The following PLRG1 variants were observed in gnomAD, a reference collection of about 807,000 sequenced individuals.
The protein encoded by PLRG1 is pleiotropic regulator 1 (PRL1 homolog, Arabidopsis).
A neutral mutation model predicts 74.9 loss-of-function variants in PLRG1; 28 were observed. The ratio of observed to expected loss-of-function variants is 0.37; its 90% CI spans 0.28 to 0.51. PLRG1 has a LOEUF of 0.51. Ranked by LOEUF, PLRG1 falls within the 20% of genes least tolerant of loss-of-function variation. PLRG1 has a pLI of 0.91. For missense variants in PLRG1, 445 were observed against 631.9 expected (o/e 0.70, Z 3.17); for synonymous variants, 197 against 212.4 (o/e 0.93, Z 0.63).
At chr4:154,549,285 TA>T (rs1729715969) in intron 1 of PLRG1, 1 of 358,352 alleles carries the variant, frequency 2.8e-6, no homozygotes, top group Non-Finnish European at 5.4e-6. Context: ...AAATAAAAAG[TA>T]AAATAATTCC....
At chr4:154,537,617 T>C in intron 13 of PLRG1, 138 bp from the exon 14 acceptor site, 1 of 579,416 alleles carries the variant, frequency 1.7e-6, no homozygotes, top group Non-Finnish European at 3.0e-6. Flanking sequence ...CCACCTTCTC[T>C]TAATATTGGT....
At chr4:154,541,905 T>C in intron 8 of PLRG1, 1 of 358,128 alleles carries the variant, frequency 2.8e-6, no homozygotes, top group East Asian at 4.8e-5. Context: ...TTTCTATGAA[T>C]GAGCATGCTC....
intron 10 of PLRG1, 142 bp from the exon 11 acceptor site, chr4:154,540,195 T>C: frequency 3.3e-6 from 2 of 608,866 alleles, no homozygotes; most frequent in Non-Finnish European, 5.8e-6. Flanking sequence ...TGAAAGATAA[T>C]GATTTACAAA....
At position 154,536,383 on chromosome 4, in the gene PLRG1, A is replaced by G. The variant is rs1410308068; in HGVS notation, c.*302T>C. The G allele has an allele frequency of 4.9e-6, 1 of 204,202 alleles. No homozygotes were observed. The highest frequency in any genetic ancestry group is 9.7e-6 in the Non-Finnish European group (1 of 103,478). 12.6% of individuals were successfully genotyped at this position (204,202 alleles called of 1,614,324 possible). The stretch of plus-strand genomic sequence containing the variant: ...TCGGTTTCATACATTTTTTTTAAAA[A>G]AGGGGGTTTTCTAATAAGACTGTCA... On this transcript the variant is annotated 3_prime_UTR_variant, in exon 15 of 15. Transcript: ENST00000499023.
intron 2 of PLRG1, among the ~76,000 whole-genome samples, chr4:154,548,388 AG>A (rs936655029): frequency 2.0e-4 from 31 of 152,198 alleles, no homozygotes; most frequent in African/African-American, 7.2e-4. Context: ...AGGACAAAGA[AG>A]GAACACTGCA....
rs988922060 is a variant in PLRG1 at position 154,536,399 on chromosome 4, A to C, written c.*286T>G. 2 of 230,328 alleles carry C rather than the reference A, an allele frequency of 8.7e-6. No homozygotes were observed. The highest frequency in any genetic ancestry group is 1.7e-5 in the Non-Finnish European group (2 of 120,540). The allele number at this position is 230,328 out of a possible 1,614,324, so 14.3% of individuals were successfully genotyped here. A position where few individuals can be genotyped will look rare whatever the true frequency, so the allele number is the denominator to read the frequency against. ...TTTTTAAAAAAGGGGGTTTTCTAAT[A>C]AGACTGTCAAAATATTACATCTAGA... On this transcript the variant is annotated 3_prime_UTR_variant, in exon 15 of 15. Transcript: ENST00000499023.
chr4:154,538,452 G>C (rs1307163077), intron 12 of PLRG1, among the ~76,000 whole-genome samples: 1 of 151,856 alleles, frequency 6.6e-6, no homozygotes. Context: ...GAGCAAGACA[G>C]GACAGGAAGA....
chr4:154,537,934 G>C (rs1475457157), intron 13 of PLRG1, 35 bp downstream of exon 13: 1 of 1,225,910 alleles, frequency 8.2e-7, no homozygotes, highest in Non-Finnish European at 1.1e-6. Context: ...AAAAATAACA[G>C]ACTAAACATA....
At position 154,540,844 on chromosome 4, in the gene PLRG1, A is replaced by G; in HGVS notation, c.778T>C (p.Tyr260His). Residue 260 changes from tyrosine to histidine, a missense_variant, in exon 9 of 15, where the codon TAT becomes CAT. By Grantham distance (83) the Tyr-to-His change is moderately conservative. Around this residue, in one of 3 missense-constraint regions of PLRG1, gnomAD observed 221 missense variants for 377.7 expected, o/e 0.59. Coordinates refer to ENST00000499023, the MANE Select transcript of PLRG1 (RefSeq NM_002669.4). ...TTGTCTTCTCCACAAGAGAACAGAT[A>G]TGGGCTCCTTGTGCTTACTATCACG... ...RGVIVSTRSP[Y>H]LFSCGEDKQV... is the part of the protein sequence containing the mutation. 6.2e-7 allele frequency: 1 copy of G among 1,613,334 alleles called. No homozygotes were observed. The highest frequency in any genetic ancestry group is 8.5e-7 in the Non-Finnish European group (1 of 1,179,318).
intron 8 of PLRG1, 58 bp downstream of exon 8, chr4:154,542,129 G>A (rs1168843017): frequency 2.8e-6 from 3 of 1,070,964 alleles, no homozygotes; most frequent in Non-Finnish European, 4.3e-6. Flanking sequence ...AATAATAACT[G>A]ATTAAACTTA....
At chr4:154,544,241 T>G (rs1166833691) in intron 7 of PLRG1, among the ~76,000 whole-genome samples, 1 of 152,222 alleles carries the variant, frequency 6.6e-6, no homozygotes, top group Non-Finnish European at 1.5e-5. Flanking sequence ...CATACTATTT[T>G]ATATAAAAGT....
Position 154,537,436 on chromosome 4 carries a change from G to A in PLRG1, c.1335C>T (p.Tyr445=). 2 of 1,613,314 alleles carry A rather than the reference G, an allele frequency of 1.2e-6. No individual in the cohort carries two copies. The highest frequency in any genetic ancestry group is 8.5e-7 in the Non-Finnish European group (1 of 1,179,502). ...CAGCTGCGTGAACTCTCTGAAAATT[G>A]TAGCCAGTTCTCCAGTCCCAAAGAT... is the stretch of plus-strand genomic sequence containing the variant. ...TMHLWDWRTG[Y]NFQRVHAAVQ... is the part of the protein sequence containing the mutation. The change falls in exon 14 of 15, where the codon TAC becomes TAT. Residue 445 remains tyrosine, a synonymous_variant. Transcript: ENST00000499023.
intron 3 of PLRG1, among the ~76,000 whole-genome samples, chr4:154,547,300 C>A (rs1235167449): frequency 1.3e-5 from 2 of 152,162 alleles, no homozygotes; most frequent in Admixed American, 1.3e-4. Flanking sequence ...TATCAAGTGA[C>A]AATCCACTCT....
chr4:154,537,406 T>G lies in PLRG1; in HGVS notation c.1365A>C (p.Gln455His). The G allele has an allele frequency of 1.2e-6, 2 of 1,613,368 alleles. No individual in the cohort carries two copies. The highest frequency in any genetic ancestry group is 1.7e-6 in the Non-Finnish European group (2 of 1,179,498). Reference sequence around the variant, plus strand: ...CTGATTCACTGTCCAAAGACCCAGGTTGCACAGCTGCGTGAACTCTCTGAA... The same window carrying G: ...CTGATTCACTGTCCAAAGACCCAGGGTGCACAGCTGCGTGAACTCTCTGAA... ...YNFQRVHAAVQPGSLDSESGI... is the reference protein window; with the variant it reads ...YNFQRVHAAVHPGSLDSESGI... Residue 455 changes from glutamine to histidine, a missense_variant, in exon 14 of 15, where the codon CAA (glutamine) becomes CAC (histidine). Gln to His is a conservative substitution (Grantham distance 24, BLOSUM62 0). Transcript: ENST00000499023.
In PLRG1 at chr4:154,545,922, C is replaced by T; in HGVS notation, c.406G>A (p.Ala136Thr). The change falls in exon 6 of 15, where the codon GCT becomes ACT. Residue 136 changes from alanine to threonine, a missense_variant and splice_region_variant. Around this residue, in one of 3 missense-constraint regions of PLRG1, gnomAD observed 206 missense variants for 210.8 expected, o/e 0.98. Coordinates refer to ENST00000499023, the MANE Select transcript of PLRG1 (RefSeq NM_002669.4). ...CTAGGGGCAGTACGATTTGCATCAG[C>T]CCTGGGGCAAAAGAAATAATATTTT... is the stretch of plus-strand genomic sequence containing the variant. ...LAVALPLQTK[A>T]DANRTAPSGS... 6.3e-7 allele frequency: 1 copy of T among 1,597,478 alleles called. No individual in the cohort carries two copies. The highest frequency in any genetic ancestry group is 8.6e-7 in the Non-Finnish European group (1 of 1,168,440).
At chr4:154,550,254 AC>A (rs1167813672) in intron 1 of PLRG1, 45 bp downstream of exon 1, 1 of 1,582,540 alleles carries the variant, frequency 6.3e-7, no homozygotes, top group Admixed American at 1.7e-5. Flanking sequence ...GCCAAAAAAA[AC>A]AGTCCAGAGA....
At chr4:154,548,209 A>G (rs115613469) in intron 2 of PLRG1, among the ~76,000 whole-genome samples, 3,084 of 152,306 alleles carry the variant, frequency 0.02, 102 homozygotes, top group African/African-American at 0.071. Context: ...AAAACTCTAT[A>G]GCAACCTTTA....
In PLRG1 at chr4:154,547,010, C is replaced by G; in HGVS notation, c.313+1G>C. 6.2e-7 allele frequency: 1 copy of G among 1,600,212 alleles called. No individual in the cohort carries two copies. The highest frequency in any genetic ancestry group is 8.6e-7 in the Non-Finnish European group (1 of 1,167,578). ...TTTTCAATATATAACAGCTCACTAA[C>G]CAGGTCCTGGTGGGTATGGATGTGT... On this transcript the variant is annotated splice_donor_variant, in intron 4 of 14. Coordinates refer to ENST00000499023, the MANE Select transcript of PLRG1 (RefSeq NM_002669.4). LOFTEE classifies it high-confidence loss of function.
At chr4:154,549,399 G>C (rs1167974468) in intron 1 of PLRG1, among the ~76,000 whole-genome samples, 1 of 152,240 alleles carries the variant, frequency 6.6e-6, no homozygotes, top group East Asian at 1.9e-4. Flanking sequence ...TATTTAAGCA[G>C]AAAGGGAGTT....
Sources: allele counts gnomAD v4.1 joint callset (sites outside exome capture counted in the v4.1 genomes callset), GRCh38; gene constraint gnomAD v4.1.1; regional missense constraint gnomAD v4.1.1; transcripts MANE v1.5; gene names NCBI Gene and HGNC (gene_info 2026-07-23, HGNC 2026-07-21).